The following NPAS3 variants were observed in gnomAD, a reference collection of about 807,000 sequenced individuals.
NPAS3 encodes the protein neuronal PAS domain-containing protein 3.
Under a neutral mutation model 73.1 loss-of-function variants are expected in NPAS3, and 14 were observed. That is an observed-to-expected ratio of 0.19 (90% CI 0.13 to 0.30). NPAS3 has a LOEUF of 0.30. Among genes scored for constraint, NPAS3 ranks in the 10% least tolerant of loss-of-function variants. The pLI is 1.00. For synonymous variants in NPAS3, 620 were observed against 541.5 expected (o/e 1.14, Z -2.01); for missense variants, 1,096 against 1,250.0 (o/e 0.88, Z 1.86).
chr14:33,186,975 A>AACAG (rs2046000007), intron 2 of NPAS3, among the ~76,000 whole-genome samples: 2 of 152,180 alleles, frequency 1.3e-5, no homozygotes, highest in Admixed American at 6.5e-5. Context: ...AACAGAGTTA[A>AACAG]ACAGCCTAAT....
chr14:33,518,577 A>C (rs2053411817), intron 4 of NPAS3, among the ~76,000 whole-genome samples: 1 of 150,998 alleles, frequency 6.6e-6, no homozygotes. Context: ...ACACCAACAT[A>C]AACAGACATC....
At chr14:33,272,565 C>T (rs1373001784) in intron 3 of NPAS3, among the ~76,000 whole-genome samples, 2 of 151,974 alleles carry the variant, frequency 1.3e-5, no homozygotes, top group Non-Finnish European at 2.9e-5. Context: ...TACAGGTGTG[C>T]ACCACCATGC....
chr14:33,231,840 T>G (rs564169238), intron 3 of NPAS3, among the ~76,000 whole-genome samples: 5 of 152,280 alleles, frequency 3.3e-5, no homozygotes, highest in African/African-American at 1.2e-4. Context: ...GACCAGTTTT[T>G]CCAAATGAAA....
At chr14:33,481,638 A>G (rs952049748) in intron 4 of NPAS3, among the ~76,000 whole-genome samples, 3 of 152,208 alleles carry the variant, frequency 2.0e-5, no homozygotes, top group Non-Finnish European at 4.4e-5. Flanking sequence ...AAGAGGTTGA[A>G]ACTCCTGTTC....
intron 4 of NPAS3, among the ~76,000 whole-genome samples, chr14:33,454,542 ATTG>A (rs1478716785): frequency 6.6e-6 from 1 of 152,126 alleles, no homozygotes. Context: ...GTTGGTGGTT[ATTG>A]TTGTTATTGT....
At chr14:33,671,904 C>T (rs1034259301) in intron 5 of NPAS3, among the ~76,000 whole-genome samples, 1 of 151,928 alleles carries the variant, frequency 6.6e-6, no homozygotes, top group African/African-American at 2.4e-5. Flanking sequence ...ATCAGAAGAA[C>T]ACATTATTGG....
At chr14:33,361,555 C>T (rs1433518625) in intron 3 of NPAS3, among the ~76,000 whole-genome samples, 3 of 152,162 alleles carry the variant, frequency 2.0e-5, no homozygotes, top group Non-Finnish European at 2.9e-5. Flanking sequence ...TTTGCACAGT[C>T]GCCTCATCCC....
chr14:33,499,690 A>G (rs560118984), intron 4 of NPAS3, among the ~76,000 whole-genome samples: 1 of 152,102 alleles, frequency 6.6e-6, no homozygotes, highest in African/African-American at 2.4e-5. Flanking sequence ...CAATTATAAT[A>G]GAAACCTTCT....
intron 2 of NPAS3, among the ~76,000 whole-genome samples, chr14:33,160,549 G>C (rs941742829): frequency 2.7e-5 from 4 of 150,280 alleles, no homozygotes; most frequent in Admixed American, 2.7e-4. Flanking sequence ...TAAATGACGA[G>C]TTAATGGGTG....
chr14:33,193,913 G>A (rs1353621024), intron 2 of NPAS3, among the ~76,000 whole-genome samples: 1 of 152,022 alleles, frequency 6.6e-6, no homozygotes, highest in Admixed American at 6.6e-5. Context: ...TCATTTTGCA[G>A]TAATAGAAGA....
intron 2 of NPAS3, among the ~76,000 whole-genome samples, chr14:33,151,755 T>G (rs916055928): frequency 1.3e-5 from 2 of 152,288 alleles, no homozygotes; most frequent in African/African-American, 4.8e-5. Flanking sequence ...GAGGATATGT[T>G]CCTTTGAAAT....
chr14:33,743,789 T>C (rs2061713043), intron 7 of NPAS3, among the ~76,000 whole-genome samples: 1 of 152,226 alleles, frequency 6.6e-6, no homozygotes. Context: ...TTCTGAAGAA[T>C]TTGCTGCAGC....
chr14:33,095,705 G>T (rs2042391891), intron 2 of NPAS3, among the ~76,000 whole-genome samples: 2 of 124,166 alleles, frequency 1.6e-5, no homozygotes, highest in Admixed American at 2.1e-4. Context: ...GTCTCGCTCT[G>T]TCGCCCAGGC....
chr14:33,313,641 G>A (rs1212286484), intron 3 of NPAS3, among the ~76,000 whole-genome samples: 4 of 151,970 alleles, frequency 2.6e-5, no homozygotes, highest in African/African-American at 7.2e-5. Flanking sequence ...AGGTATTTGC[G>A]GCTAAGAGGC....
chr14:33,567,623 G>A (rs1034933708), intron 5 of NPAS3, among the ~76,000 whole-genome samples: 3 of 152,308 alleles, frequency 2.0e-5, no homozygotes, highest in Middle Eastern at 6.8e-3. Context: ...AATGCCATCC[G>A]AATTTCCAGC....
intron 5 of NPAS3, among the ~76,000 whole-genome samples, chr14:33,621,160 A>T (rs1293597129): frequency 6.6e-6 from 1 of 152,254 alleles, no homozygotes; most frequent in East Asian, 1.9e-4. Flanking sequence ...ATTGAGATGG[A>T]TGTGGAACTC....
chr14:33,099,361 A>T lies in NPAS3; in HGVS notation c.140+43367A>T, dbSNP rs112787122. On this transcript the variant is annotated intron_variant, in intron 2 of 11. Transcript: ENST00000356141. ...ACCATCTTTGCGTATTCATACATAC[A>T]TACAAAATTCTGCATGTATTTCAGG... 9.2e-5 allele frequency among the ~76,000 whole-genome samples: 14 copies of T among 152,360 alleles called. 1 individual carries two copies. Among genetic ancestry groups the T allele is most frequent in the African/African-American group, 3.1e-4 (13 of 41,588 alleles).
chr14:33,482,053 G>GTTT (rs35267663), intron 4 of NPAS3, among the ~76,000 whole-genome samples: 7,793 of 137,524 alleles, frequency 0.057, 278 homozygotes, highest in South Asian at 0.1. Flanking sequence ...TCAGAAGCAA[G>GTTT]TTTTTTTTTT....
chr14:33,752,512 G>T (rs753899299), intron 7 of NPAS3, among the ~76,000 whole-genome samples: 19 of 152,180 alleles, frequency 1.2e-4, no homozygotes, highest in Non-Finnish European at 1.9e-4. Context: ...TTGGGTGTTT[G>T]TTTGGGCTTT....
Sources: allele counts gnomAD v4.1 joint callset (sites outside exome capture counted in the v4.1 genomes callset), GRCh38; gene constraint gnomAD v4.1.1; transcripts MANE v1.5; gene names NCBI Gene and HGNC (gene_info 2026-07-23, HGNC 2026-07-21).